HIVEP3: variants seen among roughly 807,000 people sequenced by gnomAD.
HIVEP3 encodes the protein transcription factor HIVEP3.
A neutral mutation model predicts 152.8 loss-of-function variants in HIVEP3; 49 were observed. The ratio of observed to expected loss-of-function variants is 0.32; its 90% CI spans 0.26 to 0.41. The LOEUF (loss-of-function observed/expected upper bound fraction) is 0.41, where lower values mean the gene tolerates loss of function less well. HIVEP3 is among the 10% of genes least tolerant of loss of function. The pLI, the probability that HIVEP3 is intolerant of heterozygous loss-of-function variation, is 1.00. For synonymous variants in HIVEP3, 1,269 were observed against 1,289.0 expected (o/e 0.98, Z 0.33); for missense variants, 2,790 against 3,103.3 (o/e 0.90, Z 2.40).
At chr1:41,855,806 T>C (rs1472067678) in intron 1 of HIVEP3, among the ~76,000 whole-genome samples, 3 of 152,120 alleles carry the variant, frequency 2.0e-5, no homozygotes, top group Admixed American at 6.5e-5. Context: ...AAGCTGCTGG[T>C]TTAGGTGACA....
At chr1:41,549,094 A>T (rs1054005104) in intron 5 of HIVEP3, among the ~76,000 whole-genome samples, 59 of 151,516 alleles carry the variant, frequency 3.9e-4, no homozygotes, top group African/African-American at 1.3e-3. Context: ...TCATTGTTCA[A>T]TTCCCACCTA....
intron 1 of HIVEP3, among the ~76,000 whole-genome samples, chr1:41,827,862 G>T (rs1016085176): frequency 6.6e-6 from 1 of 151,988 alleles, no homozygotes; most frequent in Non-Finnish European, 1.5e-5. Flanking sequence ...GGCAGGGCTT[G>T]GGGGGCATGG....
chr1:42,016,316 C>T (rs1048089176), intron 1 of HIVEP3, among the ~76,000 whole-genome samples: 13 of 152,048 alleles, frequency 8.5e-5, no homozygotes, highest in African/African-American at 2.9e-4. Flanking sequence ...GGTGGACAGA[C>T]AGGCAGTAAG....
intron 1 of HIVEP3, among the ~76,000 whole-genome samples, chr1:42,033,754 G>A (rs764860141): frequency 2.6e-5 from 4 of 152,176 alleles, no homozygotes; most frequent in African/African-American, 7.2e-5. Flanking sequence ...CCTCCCCACC[G>A]TGCAGAATAT....
intron 2 of HIVEP3, among the ~76,000 whole-genome samples, chr1:41,636,419 C>T (rs1354359205): frequency 1.3e-5 from 2 of 152,056 alleles, no homozygotes; most frequent in Admixed American, 6.6e-5. Context: ...TTTCAAAGCC[C>T]GAATTGGACC....
chr1:41,961,478 T>A (rs1171090753), intron 1 of HIVEP3, among the ~76,000 whole-genome samples: 1 of 152,252 alleles, frequency 6.6e-6, no homozygotes, highest in African/African-American at 2.4e-5. Context: ...ATTTCTGCCA[T>A]CACAATGAGA....
chr1:41,592,161 T>A (rs1159240063), intron 3 of HIVEP3, among the ~76,000 whole-genome samples: 1 of 151,870 alleles, frequency 6.6e-6, no homozygotes, highest in Non-Finnish European at 1.5e-5. Flanking sequence ...TCTCTGGGGG[T>A]TGGTCTGTGG....
intron 5 of HIVEP3, among the ~76,000 whole-genome samples, chr1:41,567,723 T>A (rs1391052298): frequency 6.6e-6 from 1 of 152,224 alleles, no homozygotes; most frequent in Non-Finnish European, 1.5e-5. Flanking sequence ...CCACGAGCCA[T>A]CCCTTTCTGG....
intron 1 of HIVEP3, among the ~76,000 whole-genome samples, chr1:41,961,713 A>G (rs547465058): frequency 6.6e-6 from 1 of 152,380 alleles, no homozygotes; most frequent in East Asian, 1.9e-4. Flanking sequence ...GATAACTGAT[A>G]CAAGGAGAAA....
chr1:41,871,419 A>C (rs947951050), intron 1 of HIVEP3, among the ~76,000 whole-genome samples: 5 of 152,008 alleles, frequency 3.3e-5, no homozygotes, highest in Non-Finnish European at 7.4e-5. Context: ...AAAAAAAAAA[A>C]ACCCCTGCAT....
At chr1:41,709,653 T>C (rs917112922) in intron 1 of HIVEP3, among the ~76,000 whole-genome samples, 3 of 152,202 alleles carry the variant, frequency 2.0e-5, no homozygotes, top group African/African-American at 7.2e-5. Context: ...CACTGAGGAC[T>C]GGAGTTCATG....
chr1:41,892,400 G>A (rs1167443130), intron 1 of HIVEP3, among the ~76,000 whole-genome samples: 3 of 152,148 alleles, frequency 2.0e-5, no homozygotes, highest in African/African-American at 7.2e-5. Context: ...TGGGTGCCAA[G>A]AACACAGTGG....
intron 1 of HIVEP3, among the ~76,000 whole-genome samples, chr1:41,776,671 G>T (rs1020179659): frequency 6.6e-6 from 1 of 152,220 alleles, no homozygotes; most frequent in African/African-American, 2.4e-5. Context: ...GGGGTATGAG[G>T]TCATAGCTGT....
chr1:41,736,462 C>T (rs112699596), intron 1 of HIVEP3, among the ~76,000 whole-genome samples: 1 of 152,308 alleles, frequency 6.6e-6, no homozygotes, highest in Non-Finnish European at 1.5e-5. Flanking sequence ...GGTAGGGCCA[C>T]TGCTCCCCCA....
Position 41,547,069 on chromosome 1 carries a change from G to A in HIVEP3, c.5208-22159C>T, listed in dbSNP as rs1401089787. ...ATGACAGCCCTGTGAGGTAGAGAGA[G>A]CTGTCCCTATTCTGCAGATGTGGAC... On this transcript the variant is annotated intron_variant, in intron 5 of 8. Transcript: ENST00000372583. 3.3e-5 allele frequency among the ~76,000 whole-genome samples: 5 copies of A among 152,180 alleles called. No individual in the cohort carries two copies. In the East Asian group the frequency reaches 9.6e-4, roughly 29 times the overall value.
rs542248035 is a variant in HIVEP3, at chr1:41,667,898, G to C, written c.-721+33018C>G. On this transcript the variant is annotated intron_variant, in intron 2 of 8. Transcript: ENST00000372583. The stretch of plus-strand genomic sequence containing the variant: ...CCAAGCCCCCCAACTCAAGCTCTTT[G>C]GGGGATACTATGATGAACAAGACCT... 8.5e-5 allele frequency among the ~76,000 whole-genome samples: 13 copies of C among 152,272 alleles called. No homozygotes were observed. In the South Asian group the frequency reaches 2.5e-3, roughly 29 times the overall value.
chr1:41,642,402 C>G (rs756162240), intron 2 of HIVEP3, among the ~76,000 whole-genome samples: 1 of 152,248 alleles, frequency 6.6e-6, no homozygotes, highest in African/African-American at 2.4e-5. Context: ...GAATATTTCT[C>G]TCCATTTTAA....
Position 41,511,150 on chromosome 1 carries a change from C to A in HIVEP3, c.6522G>T (p.Glu2174Asp). 6.2e-7 allele frequency: 1 copy of A among 1,614,174 alleles called. No individual in the cohort carries two copies. The highest frequency in any genetic ancestry group is 8.5e-7 in the Non-Finnish European group (1 of 1,180,026). Residue 2174 changes from glutamate to aspartate, a missense_variant, in exon 9 of 9, where the codon GAG (glutamate) becomes GAT (aspartate). By Grantham distance (45) the Glu-to-Asp change is conservative. Transcript: ENST00000372583. This position sits in a 1 kb window ranked among gnomAD's most constrained non-coding sequence, Gnocchi z 4.9. ...FHGHILARTE[E>D]NIFSHLPLHS... ...GCAGAGGCAGGTGGCTGAAGATGTT[C>A]TCCTCTGTCCGGGCCAGGATGTGGC...
chr1:41,820,488 C>G (rs529646650), intron 1 of HIVEP3, among the ~76,000 whole-genome samples: 8 of 152,282 alleles, frequency 5.3e-5, no homozygotes, highest in African/African-American at 1.4e-4. Context: ...TGAAAAGAGT[C>G]CTCATTTGAA....
Sources: gnomAD v4.1 joint callset for allele counts (sites outside exome capture counted in the v4.1 genomes callset) on GRCh38, gnomAD v4.1.1 for gene constraint, Gnocchi (gnomAD v3.1) non-coding constraint, MANE v1.5 for transcripts, NCBI Gene and HGNC (gene_info 2026-07-23, HGNC 2026-07-21) for gene names.